The following SND1 variants were observed in gnomAD, a reference collection of about 807,000 sequenced individuals.
SND1 encodes staphylococcal nuclease domain-containing protein 1.
A neutral mutation model predicts 121.7 loss-of-function variants in SND1; 38 were observed. The observed-to-expected ratio is 0.31, with a 90% CI of 0.24 to 0.41. The LOEUF is 0.41. Among genes scored for constraint, SND1 ranks in the 10% least tolerant of loss-of-function variants. SND1 has a pLI of 1.00. For synonymous variants in SND1, 401 were observed against 447.4 expected (o/e 0.90, Z 1.31); for missense variants, 868 against 1,184.6 (o/e 0.73, Z 3.92).
intron 11 of SND1, among the ~76,000 whole-genome samples, chr7:127,818,128 C>T (rs1164181141): frequency 6.6e-6 from 1 of 152,096 alleles, no homozygotes; most frequent in East Asian, 1.9e-4. Flanking sequence ...AGACTTGGAG[C>T]CCTAATTCAG....
chr7:127,761,082 C>T (rs1797297331), intron 10 of SND1, among the ~76,000 whole-genome samples: 1 of 152,188 alleles, frequency 6.6e-6, no homozygotes, highest in Admixed American at 6.5e-5. Flanking sequence ...GTTTTCATCA[C>T]ATCTCCATAT....
chr7:127,704,832 T>A lies in SND1; in HGVS notation c.841-7T>A. 1 of 1,612,668 alleles carries A rather than the reference T, an allele frequency of 6.2e-7. No individual in the cohort carries two copies. Among genetic ancestry groups the A allele is most frequent in the Non-Finnish European group, 8.5e-7 (1 of 1,178,758 alleles). On this transcript the variant is annotated splice_region_variant and splice_polypyrimidine_tract_variant and intron_variant, in intron 7 of 23. Coordinates refer to ENST00000354725, the MANE Select transcript of SND1 (RefSeq NM_014390.4). The stretch of plus-strand genomic sequence containing the variant: ...CGTGCCTGCCTCTCATGTACCTTGT[T>A]TTTCAGAATGGCAACATCACAGAGC...
At chr7:127,744,832 AC>A (rs1796948666) in intron 10 of SND1, among the ~76,000 whole-genome samples, 1 of 152,216 alleles carries the variant, frequency 6.6e-6, no homozygotes, top group Admixed American at 6.5e-5. Flanking sequence ...TTGTAAAGAC[AC>A]ACCCACAACT....
At chr7:127,808,166 T>TTC (rs1798272042) in intron 11 of SND1, among the ~76,000 whole-genome samples, 5 of 147,816 alleles carry the variant, frequency 3.4e-5, no homozygotes, top group Admixed American at 3.4e-4. Context: ...ATGGCTTCTT[T>TTC]TTTTTTTTTT....
chr7:127,677,421 TG>T (rs1795635049), intron 1 of SND1, among the ~76,000 whole-genome samples: 1 of 152,242 alleles, frequency 6.6e-6, no homozygotes, highest in Admixed American at 6.5e-5. Context: ...GCTCCTTCTC[TG>T]ATTATAAAAA....
chr7:127,852,374 G>A (rs1799181056), intron 12 of SND1, among the ~76,000 whole-genome samples: 1 of 151,014 alleles, frequency 6.6e-6, no homozygotes, highest in South Asian at 2.1e-4. Flanking sequence ...TATAATCTCA[G>A]CTACTTGGGA....
intron 12 of SND1, among the ~76,000 whole-genome samples, chr7:127,874,924 C>T (rs1799662463): frequency 6.6e-6 from 1 of 152,064 alleles, no homozygotes; most frequent in Admixed American, 6.6e-5. Flanking sequence ...ATAATTCATG[C>T]ACACAGTATA....
chr7:127,717,245 A>G (rs1273173316), intron 9 of SND1, among the ~76,000 whole-genome samples: 1 of 152,188 alleles, frequency 6.6e-6, no homozygotes, highest in Non-Finnish European at 1.5e-5. Flanking sequence ...ACTAAAGTTT[A>G]TATTTTATTC....
intron 10 of SND1, among the ~76,000 whole-genome samples, chr7:127,731,749 A>G (rs1373100238): frequency 2.0e-5 from 3 of 152,258 alleles, no homozygotes; most frequent in Middle Eastern, 3.4e-3. Context: ...TTTTGGACCC[A>G]TTGTTGTTAT....
intron 16 of SND1, among the ~76,000 whole-genome samples, chr7:128,069,748 A>T (rs1793375856): frequency 6.6e-6 from 1 of 152,216 alleles, no homozygotes; most frequent in African/African-American, 2.4e-5. Flanking sequence ...GAGGTAGATG[A>T]TGTTGCAATC....
chr7:127,704,687 G>C, intron 7 of SND1, 152 bp from the exon 8 acceptor site: 1 of 649,408 alleles, frequency 1.5e-6, no homozygotes, highest in Non-Finnish European at 2.7e-6. Flanking sequence ...GAGTGGTTTC[G>C]TAGTGAGAGA....
At chr7:127,844,202 T>C in intron 11 of SND1, 122 bp from the exon 12 acceptor site, 1 of 551,036 alleles carries the variant, frequency 1.8e-6, no homozygotes, top group Non-Finnish European at 3.1e-6. Context: ...GTTTTAAAAA[T>C]CTTAGATTCA....
At chr7:128,028,661 T>C in intron 16 of SND1, 1 of 1,593,946 alleles carries the variant, frequency 6.3e-7, no homozygotes, top group Non-Finnish European at 8.5e-7. Flanking sequence ...ATTTTATAAG[T>C]TTTTTGGGGG....
intron 11 of SND1, among the ~76,000 whole-genome samples, chr7:127,825,525 A>T (rs761018166): frequency 1.8e-4 from 27 of 151,788 alleles, no homozygotes; most frequent in Admixed American, 7.9e-4. Flanking sequence ...CTTGTGCCTC[A>T]ACCTCCCGAG....
chr7:127,776,907 A>G (rs1045944282), intron 10 of SND1, among the ~76,000 whole-genome samples: 5 of 152,234 alleles, frequency 3.3e-5, no homozygotes, highest in Non-Finnish European at 4.4e-5. Flanking sequence ...TAGGGGACCA[A>G]TTAGTTTTAA....
intron 16 of SND1, among the ~76,000 whole-genome samples, chr7:128,070,068 G>A (rs1319364612): frequency 6.6e-6 from 1 of 152,228 alleles, no homozygotes; most frequent in East Asian, 1.9e-4. Flanking sequence ...TGGCAGACCA[G>A]CAGGGCTGCA....
intron 15 of SND1, among the ~76,000 whole-genome samples, chr7:127,958,043 A>G (rs1801642033): frequency 1.3e-5 from 2 of 152,168 alleles, no homozygotes; most frequent in East Asian, 1.9e-4. Context: ...GTATTCACCT[A>G]TTTCTTCAGC....
chr7:127,661,735 C>T (rs1017184605), intron 1 of SND1, among the ~76,000 whole-genome samples: 1 of 152,054 alleles, frequency 6.6e-6, no homozygotes, highest in Non-Finnish European at 1.5e-5. Flanking sequence ...AGGTGGATGT[C>T]ATCCAGTGTT....
intron 14 of SND1, among the ~76,000 whole-genome samples, chr7:127,908,009 G>A (rs1162716974): frequency 6.6e-6 from 1 of 152,114 alleles, no homozygotes; most frequent in East Asian, 1.9e-4. Context: ...CTCTGTAGTG[G>A]CCAAATAAGC....
Sources: gnomAD v4.1 joint callset for allele counts (sites outside exome capture counted in the v4.1 genomes callset) on GRCh38, gnomAD v4.1.1 for gene constraint, MANE v1.5 for transcripts, NCBI Gene and HGNC (gene_info 2026-07-23, HGNC 2026-07-21) for gene names.